Variants in CCSER1 observed in about 807,000 individuals in gnomAD.
CCSER1 encodes serine-rich coiled-coil domain-containing protein 1.
CCSER1 carries 41 observed loss-of-function variants against 82.0 expected under a neutral mutation model. The ratio of observed to expected loss-of-function variants is 0.50; its 90% CI spans 0.39 to 0.65. The LOEUF (loss-of-function observed/expected upper bound fraction) is 0.65, where lower values mean the gene tolerates loss of function less well. CCSER1 is among the 30% of genes least tolerant of loss of function. The probability of loss-of-function intolerance (pLI) is 0.00; values close to 1 mark genes in which losing one functional copy is unlikely to be tolerated. For missense variants in CCSER1, 1,119 were observed against 1,064.2 expected, an observed-to-expected ratio of 1.05 and a Z score of -0.72; for synonymous variants, 414 against 383.9, an observed-to-expected ratio of 1.08 and a Z score of -0.92.
chr4:91,225,393 TA>T (rs1738114407), intron 10 of CCSER1, among the ~76,000 whole-genome samples: 1 of 141,206 alleles, frequency 7.1e-6, no homozygotes, highest in South Asian at 2.1e-4. Context: ...ATAATATATA[TA>T]TTCATATATA....
intron 10 of CCSER1, among the ~76,000 whole-genome samples, chr4:91,104,010 G>A (rs905144358): frequency 1.4e-4 from 21 of 151,990 alleles, no homozygotes; most frequent in South Asian, 6.2e-4. Context: ...ATAAACGGCC[G>A]CTCTGGGAAT....
intron 10 of CCSER1, among the ~76,000 whole-genome samples, chr4:91,512,459 A>G (rs867612916): frequency 1.4e-4 from 22 of 152,094 alleles, no homozygotes; most frequent in African/African-American, 5.3e-4. Context: ...CCACAGACTG[A>G]AGGCTGCACT....
intron 9 of CCSER1, among the ~76,000 whole-genome samples, chr4:91,004,926 C>CT (rs1012742890): frequency 2.0e-5 from 3 of 152,120 alleles, no homozygotes; most frequent in African/African-American, 7.2e-5. Flanking sequence ...GGTCTTGCCT[C>CT]TAAGACCTTG....
intron 3 of CCSER1, among the ~76,000 whole-genome samples, chr4:90,328,762 G>C (rs796813967): frequency 1.3e-5 from 2 of 152,254 alleles, no homozygotes; most frequent in African/African-American, 4.8e-5. Flanking sequence ...GCTTCCCAGG[G>C]ACTGTGCCTC....
At chr4:91,029,096 G>C (rs1220690234) in intron 9 of CCSER1, among the ~76,000 whole-genome samples, 1 of 151,912 alleles carries the variant, frequency 6.6e-6, no homozygotes, top group Non-Finnish European at 1.5e-5. Flanking sequence ...TCAGGAAAAA[G>C]AGTATAGAGT....
At chr4:90,281,502 T>C (rs1482386981) in intron 1 of CCSER1, among the ~76,000 whole-genome samples, 24 of 151,992 alleles carry the variant, frequency 1.6e-4, no homozygotes. Context: ...GTTAAAAAAA[T>C]AATTTTTTCC....
chr4:90,754,235 G>C (rs897546390), intron 7 of CCSER1, among the ~76,000 whole-genome samples: 1 of 152,138 alleles, frequency 6.6e-6, no homozygotes, highest in Non-Finnish European at 1.5e-5. Flanking sequence ...AGCTCATGCA[G>C]CAATGACTGG....
intron 8 of CCSER1, among the ~76,000 whole-genome samples, chr4:90,880,369 G>A (rs2150070191): frequency 6.6e-6 from 1 of 152,286 alleles, no homozygotes; most frequent in South Asian, 2.1e-4. Context: ...AGCCCAGGAT[G>A]GAGGGGCTAT....
At chr4:91,280,655 T>C (rs1309325085) in intron 10 of CCSER1, among the ~76,000 whole-genome samples, 1 of 151,976 alleles carries the variant, frequency 6.6e-6, no homozygotes, top group Non-Finnish European at 1.5e-5. Context: ...AAACAAGTGG[T>C]TTAGGAGTGA....
At chr4:90,881,008 C>G (rs1721226434) in intron 8 of CCSER1, among the ~76,000 whole-genome samples, 1 of 150,612 alleles carries the variant, frequency 6.6e-6, no homozygotes, top group Non-Finnish European at 1.5e-5. Context: ...CGCACACTAG[C>G]TGCTTCTAGT....
intron 1 of CCSER1, among the ~76,000 whole-genome samples, chr4:90,130,655 GCT>G (rs1201326919): frequency 6.6e-6 from 1 of 151,768 alleles, no homozygotes; most frequent in Non-Finnish European, 1.5e-5. Flanking sequence ...ATGGATTTTT[GCT>G]CTGTCACCCA....
At chr4:90,299,110 A>C (rs1219753187) in intron 1 of CCSER1, among the ~76,000 whole-genome samples, 2 of 152,012 alleles carry the variant, frequency 1.3e-5, no homozygotes, top group African/African-American at 4.8e-5. Flanking sequence ...TCATCCCTTA[A>C]TTAATTAATC....
chr4:90,858,366 T>G (rs1344858746), intron 8 of CCSER1, among the ~76,000 whole-genome samples: 1 of 151,900 alleles, frequency 6.6e-6, no homozygotes, highest in Non-Finnish European at 1.5e-5. Context: ...GCGTACCAGG[T>G]TTTCTCAGTT....
chr4:91,282,391 G>A (rs941934178), intron 10 of CCSER1, among the ~76,000 whole-genome samples: 1 of 152,110 alleles, frequency 6.6e-6, no homozygotes, highest in Non-Finnish European at 1.5e-5. Flanking sequence ...TGTTCGGGGC[G>A]AATGACTGAT....
At chr4:91,165,694 G>A (rs768815920) in intron 10 of CCSER1, among the ~76,000 whole-genome samples, 7 of 152,238 alleles carry the variant, frequency 4.6e-5, no homozygotes, top group Admixed American at 1.3e-4. Flanking sequence ...AGACTGCTGC[G>A]CTAGCAGTCA....
At chr4:90,266,800 C>CG (rs1419555778) in intron 1 of CCSER1, among the ~76,000 whole-genome samples, 1 of 152,070 alleles carries the variant, frequency 6.6e-6, no homozygotes, top group Non-Finnish European at 1.5e-5. Flanking sequence ...CAAGCCTCAT[C>CG]ACCATTGGCT....
In CCSER1 at chr4:90,308,736, G is replaced by C; in HGVS notation, c.452G>C (p.Cys151Ser). Reference sequence around the variant, plus strand: ...ACTAACAAGAATGTCTTTATAAATTGTCTAAGTTCTGGCAAAAGTGAAGGG... The same window carrying C: ...ACTAACAAGAATGTCTTTATAAATTCTCTAAGTTCTGGCAAAAGTGAAGGG... ...HSTNKNVFIN[C>S]LSSGKSEGDD... The change falls in exon 2 of 11, where the codon TGT becomes TCT. Residue 151 changes from cysteine (C) to serine (S), a missense_variant. By Grantham distance (112) the Cys-to-Ser change is moderately radical. Transcript: ENST00000509176. 1 of 1,613,710 alleles carries C rather than the reference G, an allele frequency of 6.2e-7. No homozygotes were observed. The highest frequency in any genetic ancestry group is 8.5e-7 in the Non-Finnish European group (1 of 1,179,810).
intron 3 of CCSER1, among the ~76,000 whole-genome samples, chr4:90,339,853 G>A (rs1741078240): frequency 6.6e-6 from 1 of 151,482 alleles, no homozygotes; most frequent in Non-Finnish European, 1.5e-5. Context: ...TATTTAATGT[G>A]AGGCTCACCC....
chr4:90,737,458 G>A (rs1745848091), intron 7 of CCSER1, among the ~76,000 whole-genome samples: 1 of 152,126 alleles, frequency 6.6e-6, no homozygotes, highest in Admixed American at 6.5e-5. Flanking sequence ...TGGCCTGTAA[G>A]GTTTCCACTG....
Sources: allele counts gnomAD v4.1 joint callset (sites outside exome capture counted in the v4.1 genomes callset), GRCh38; gene constraint gnomAD v4.1.1; transcripts MANE v1.5; gene names NCBI Gene and HGNC (gene_info 2026-07-23, HGNC 2026-07-21).